The following EIF3L variants were observed in gnomAD, a reference collection of about 807,000 sequenced individuals.
The protein encoded by EIF3L is eIEF associated protein HSPC021.
Under a neutral mutation model 74.6 loss-of-function variants are expected in EIF3L, and 32 were observed. That is an observed-to-expected ratio of 0.43 (90% CI 0.32 to 0.58). The LOEUF (loss-of-function observed/expected upper bound fraction) is 0.58. Among genes scored for constraint, EIF3L ranks in the 20% least tolerant of loss-of-function variants. The pLI is 0.06. For synonymous variants in EIF3L, 256 were observed against 254.4 expected (o/e 1.01, Z -0.06); for missense variants, 474 against 707.8 (o/e 0.67, Z 3.75).
chr22:37,885,498 CAG>C (rs1440942551), intron 11 of EIF3L: 2 of 151,588 alleles, frequency 1.3e-5, no homozygotes, highest in African/African-American at 2.4e-5. Flanking sequence ...GAAATCCTAT[CAG>C]AGATTTAGAA....
At chr22:37,882,236 G>A (rs1260519780) in intron 11 of EIF3L, 1 of 152,118 alleles carries the variant, frequency 6.6e-6, no homozygotes, top group African/African-American at 2.4e-5. Context: ...GAGCCCAAGA[G>A]ACAGAGGTTG....
chr22:37,855,969 G>T (rs984312671), intron 4 of EIF3L, among the ~76,000 whole-genome samples: 1 of 152,032 alleles, frequency 6.6e-6, no homozygotes, highest in African/African-American at 2.4e-5. Context: ...CTTTATATAT[G>T]GGTGAGGTAG....
intron 3 of EIF3L, 113 bp downstream of exon 3, chr22:37,851,603 T>TTTGGGGGGG: frequency 4.5e-6 from 1 of 220,126 alleles, no homozygotes; most frequent in South Asian, 3.5e-5. Context: ...GGTTGGGGGG[T>TTTGGGGGGG]GGGGGTCTTT....
At chr22:37,874,671 C>T in intron 9 of EIF3L, 147 bp downstream of exon 9, 2 of 964,688 alleles carry the variant, frequency 2.1e-6, no homozygotes, top group Non-Finnish European at 3.0e-6. Flanking sequence ...ACTGGGCAAA[C>T]AGCTGTGGTA....
intron 7 of EIF3L, among the ~76,000 whole-genome samples, chr22:37,868,110 A>ATTTTTTTTTTTTTTTTTTTTTTTTTTG (rs545183532): frequency 1.1e-5 from 1 of 92,686 alleles, no homozygotes; most frequent in Non-Finnish European, 2.0e-5. Flanking sequence ...TCTTTGTAGG[A>ATTTTTTTTTTTTTTTTTTTTTTTTTTG]TTTTTTTTTT....
chr22:37,855,055 G>C (rs896976201), intron 3 of EIF3L, among the ~76,000 whole-genome samples: 1 of 152,202 alleles, frequency 6.6e-6, no homozygotes, highest in Non-Finnish European at 1.5e-5. Context: ...TAGCTGCTGA[G>C]GGCATCAGGA....
chr22:37,876,295 ATTTTTT>A (rs146250173), intron 10 of EIF3L: 24 of 110,408 alleles, frequency 2.2e-4, no homozygotes, highest in South Asian at 5.8e-4. Context: ...ACACCGGCTA[ATTTTTT>A]TTTTTTTTTT....
At chr22:37,863,103 C>CT (rs61195610) in intron 6 of EIF3L, 65 bp downstream of exon 6, 11,703 of 1,025,178 alleles carry the variant, frequency 0.011, 2 homozygotes, top group South Asian at 0.013. Flanking sequence ...TGGCCTCCAG[C>CT]TTTTTTTTTT....
chr22:37,876,706 T>C (rs1926771552), intron 10 of EIF3L: 1 of 152,214 alleles, frequency 6.6e-6, no homozygotes, highest in South Asian at 2.1e-4. Context: ...TAATATCTTT[T>C]GTTTCAGTTA....
intron 9 of EIF3L, among the ~76,000 whole-genome samples, chr22:37,874,814 C>T (rs1255058963): frequency 5.3e-5 from 8 of 151,664 alleles, no homozygotes; most frequent in Admixed American, 2.0e-4. Context: ...TTGCAACCTC[C>T]GTCTCCTGGG....
At chr22:37,859,186 C>T (rs938432476) in intron 5 of EIF3L, among the ~76,000 whole-genome samples, 4 of 151,656 alleles carry the variant, frequency 2.6e-5, no homozygotes, top group Admixed American at 1.3e-4. Context: ...TACTATCAAT[C>T]GTGCAAAGTT....
chr22:37,862,967 AG>A lies in EIF3L; in HGVS notation c.440del. ...TCTTGATATCTCTTGTTTTCTTTAC[AG>A]GGGGGACCTTCCTTGGAGCAGAGGT... On this transcript the variant is annotated splice_acceptor_variant, in intron 5 of 12. Transcript: ENST00000652021. LOFTEE classifies it high-confidence loss of function. The A allele has an allele frequency of 1.2e-6, 2 of 1,608,184 alleles. No homozygotes were observed. Among genetic ancestry groups the A allele is most frequent in the Non-Finnish European group, 1.7e-6 (2 of 1,177,006 alleles).
intron 11 of EIF3L, chr22:37,885,625 A>C (rs1927279078): frequency 6.6e-6 from 1 of 150,796 alleles, no homozygotes; most frequent in Non-Finnish European, 1.5e-5. Flanking sequence ...TTTTATCAAC[A>C]GTGTAGGAGC....
At chr22:37,853,174 G>T (rs188970486) in intron 3 of EIF3L, among the ~76,000 whole-genome samples, 2 of 152,134 alleles carry the variant, frequency 1.3e-5, no homozygotes, top group Non-Finnish European at 2.9e-5. Context: ...TCACAAGAAA[G>T]AATTACACTG....
chr22:37,885,392 T>C (rs910361984), intron 11 of EIF3L: 3 of 152,162 alleles, frequency 2.0e-5, no homozygotes, highest in African/African-American at 7.2e-5. Context: ...TTTAATTGCA[T>C]GTTTTACTGT....
intron 12 of EIF3L, 78 bp downstream of exon 12, chr22:37,886,923 A>C (rs1160050838): frequency 8.5e-7 from 1 of 1,172,736 alleles, no homozygotes; most frequent in Non-Finnish European, 1.2e-6. Flanking sequence ...ACTTTTTTTT[A>C]ATTTTTATTC....
intron 11 of EIF3L, chr22:37,884,030 A>G (rs1397590115): frequency 6.6e-6 from 1 of 152,186 alleles, no homozygotes; most frequent in Non-Finnish European, 1.5e-5. Context: ...GTCCCCCCAA[A>G]AAGAAACTCC....
chr22:37,873,231 C>G (rs141712154), intron 8 of EIF3L, among the ~76,000 whole-genome samples: 2 of 151,810 alleles, frequency 1.3e-5, no homozygotes, highest in Admixed American at 6.6e-5. Flanking sequence ...TCAAGTGATA[C>G]GTCCGCCTCG....
At chr22:37,865,812 C>G (rs2145817929) in intron 7 of EIF3L, among the ~76,000 whole-genome samples, 1 of 152,314 alleles carries the variant, frequency 6.6e-6, no homozygotes, top group East Asian at 1.9e-4. Context: ...GAATAGCAGT[C>G]TTTTTGACTT....
Sources: allele counts gnomAD v4.1 joint callset (sites outside exome capture counted in the v4.1 genomes callset), GRCh38; gene constraint gnomAD v4.1.1; transcripts MANE v1.5; gene names NCBI Gene and HGNC (gene_info 2026-07-23, HGNC 2026-07-21).